SHOX2: variants seen among roughly 807,000 people sequenced by gnomAD.
SHOX2 encodes the protein short stature homeobox protein 2.
A neutral mutation model predicts 31.3 loss-of-function variants in SHOX2; 13 were observed. The observed-to-expected ratio is 0.42, with a 90% CI of 0.27 to 0.66. The LOEUF (loss-of-function observed/expected upper bound fraction) is 0.66, where lower values mean the gene tolerates loss of function less well. Among genes scored for constraint, SHOX2 ranks in the 30% least tolerant of loss-of-function variants. The pLI, the probability that SHOX2 is intolerant of heterozygous loss-of-function variation, is 0.27. For missense variants in SHOX2, 473 were observed against 443.0 expected (o/e 1.07, Z -0.61); for synonymous variants, 244 against 196.2 (o/e 1.24, Z -2.04).
rs1036850162 is a variant in SHOX2, at chr3:158,105,953, C to T, written c.72G>A (p.Thr24=). The change falls in exon 1 of 5, where the codon ACG becomes ACA. Residue 24 remains threonine, a synonymous_variant. Transcript: ENST00000483851. ...QKVKEKKEAI[T]YREVLESGPL... ...GCCCGCTCTCCAGCACCTCCCGGTA[C>T]GTGATCGCCTCCTTCTTCTCCTTCA... is the stretch of plus-strand genomic sequence containing the variant. 6.2e-7 allele frequency: 1 copy of T among 1,612,488 alleles called. No homozygotes were observed. The highest frequency in any genetic ancestry group is 8.5e-7 in the Non-Finnish European group (1 of 1,179,652).
rs869110597 is a variant in SHOX2 at position 158,096,437 on chromosome 3, CAA to C, written c.*1588_*1589del. The stretch of plus-strand genomic sequence containing the variant: ...AAAAAAAAAACAAAAAAGAAACAAA[CAA>C]ACAAAAAAAAAAGGTTACTTGAATA... On this transcript the variant is annotated 3_prime_UTR_variant, in exon 5 of 5. Coordinates refer to ENST00000483851, the MANE Select transcript of SHOX2 (RefSeq NM_001163678.2). 8.5e-6 allele frequency: 1 copy of C among 117,554 alleles called. No homozygotes were observed. Among genetic ancestry groups the C allele is most frequent in the Admixed American group, 8.2e-5 (1 of 12,260 alleles). The allele number at this position is 117,554 out of a possible 1,614,324, so 7.3% of individuals were successfully genotyped here.
In SHOX2 at chr3:158,097,417, A is replaced by G. The variant is rs1377973572; in HGVS notation, c.*610T>C. The G allele has an allele frequency of 1.3e-5, 2 of 152,146 alleles. No individual in the cohort carries two copies. The highest frequency in any genetic ancestry group is 2.4e-5 in the African/African-American group (1 of 41,412). The allele number at this position is 152,146 out of a possible 1,614,324, so 9.4% of individuals were successfully genotyped here. ...CCTCTTCTTTCTGCTTTGCCTTCTT[A>G]GCGCATTTTTAAAAACACACATTTA... On this transcript the variant is annotated 3_prime_UTR_variant, in exon 5 of 5. Coordinates refer to ENST00000483851, the MANE Select transcript of SHOX2 (RefSeq NM_001163678.2).
In SHOX2 at chr3:158,098,162, G is replaced by A. The variant is rs141779399; in HGVS notation, c.825C>T (p.Ala275=). 8 of 1,613,384 alleles carry A rather than the reference G, an allele frequency of 5.0e-6. No individual in the cohort carries two copies. The African/African-American group carries it at 8.0e-5, about 16-fold the overall frequency. Residue 275 remains alanine, a synonymous_variant, in exon 5 of 5, where the codon GCC becomes GCT. Transcript: ENST00000483851. The part of the protein sequence containing the change: ...FPAPPFGLPL[A]TLAADSASAA... ...CGGAAGCCGAATCCGCGGCCAGCGT[G>A]GCGAGCGGCAGTCCGAAGGGCGGTG...
chr3:158,106,097 T>C lies in SHOX2; in HGVS notation c.-73A>G. On this transcript the variant is annotated 5_prime_UTR_variant, in exon 1 of 5. Coordinates refer to ENST00000483851, the MANE Select transcript of SHOX2 (RefSeq NM_001163678.2). Reference sequence around the variant, plus strand: ...GCTCTTTTTTTCCTTCTTCTTTTTTTACTGCTCCAGCCCCCCCAATAATAA... The same window carrying C: ...GCTCTTTTTTTCCTTCTTCTTTTTTCACTGCTCCAGCCCCCCCAATAATAA... 1.9e-6 allele frequency: 3 copies of C among 1,592,994 alleles called. No individual in the cohort carries two copies. Among genetic ancestry groups the C allele is most frequent in the Non-Finnish European group, 2.6e-6 (3 of 1,169,614 alleles).
At chr3:158,098,386 G>A (rs1713273595) in intron 4 of SHOX2, 102 bp from the exon 5 acceptor site, 2 of 1,453,976 alleles carry the variant, frequency 1.4e-6, no homozygotes, top group Non-Finnish European at 1.9e-6. Flanking sequence ...AGAGAGTTGG[G>A]TTGTGTTTGG....
chr3:158,105,864 G>C lies in SHOX2; in HGVS notation c.161C>G (p.Pro54Arg). The C allele has an allele frequency of 2.0e-6, 3 of 1,493,072 alleles. No individual in the cohort carries two copies. Among genetic ancestry groups the C allele is most frequent in the Non-Finnish European group, 2.7e-6 (3 of 1,126,014 alleles). 92.5% of individuals were successfully genotyped at this position (1,493,072 alleles called of 1,614,324 possible). Residue 54 changes from proline to arginine, a missense_variant, in exon 1 of 5, where the codon CCG becomes CGG. Transcript: ENST00000483851. The stretch of plus-strand genomic sequence containing the variant: ...GCCTCCGCCGGCCGCCCGGACTGCC[G>C]GGCTGCTGCGGTCGTCGCGGCCCGC... ...TEAGRDDRSS[P>R]AVRAAGGGGG...
chr3:158,101,202 T>G (rs1281915491), intron 2 of SHOX2, among the ~76,000 whole-genome samples: 1 of 152,236 alleles, frequency 6.6e-6, no homozygotes, highest in Non-Finnish European at 1.5e-5. Context: ...AAATTAAAGT[T>G]TTTAAAACCC....
intron 2 of SHOX2, among the ~76,000 whole-genome samples, chr3:158,102,112 G>A (rs1355766912): frequency 6.6e-6 from 1 of 152,120 alleles, no homozygotes; most frequent in African/African-American, 2.4e-5. Context: ...TTATTTCTCC[G>A]CTATTTCACA....
intron 3 of SHOX2, 27 bp downstream of exon 3, chr3:158,100,227 C>G: frequency 6.5e-7 from 1 of 1,531,790 alleles, no homozygotes; most frequent in Non-Finnish European, 8.9e-7. Flanking sequence ...CTCAGACTAT[C>G]AAATGTTCCT....
chr3:158,105,852 GC>G lies in SHOX2; in HGVS notation c.172del (p.Ala58ArgfsTer21). 7.0e-7 allele frequency: 1 copy of G among 1,437,840 alleles called. No homozygotes were observed. The highest frequency in any genetic ancestry group is 9.1e-7 in the Non-Finnish European group (1 of 1,100,830). The allele number at this position is 1,437,840 out of a possible 1,614,324, so 89.1% of individuals were successfully genotyped here. A position where few individuals can be genotyped will look rare whatever the true frequency, so the allele number is the denominator to read the frequency against. On this transcript the variant is annotated frameshift_variant, in exon 1 of 5. Transcript: ENST00000483851. LOFTEE classifies it high-confidence loss of function. Reference protein sequence around the residue: ...RDDRSSPAVRAAGGGGGGGGG... With the variant: ...RDDRSSPAVRXAGGGGGGGGG... ...TCCTCCGCCGCCGCCTCCGCCGGCC[GC>G]CCGGACTGCCGGGCTGCTGCGGTCG...
At position 158,097,620 on chromosome 3, in the gene SHOX2, T is replaced by G; in HGVS notation, c.*407A>C. On this transcript the variant is annotated 3_prime_UTR_variant, in exon 5 of 5. Transcript: ENST00000483851. The stretch of plus-strand genomic sequence containing the variant: ...TCCTCTTTTTCTCTCCCGTTTGTCT[T>G]TCGATTTTTTTGTTTGCTCATTTTT... The G allele has an allele frequency of 1.2e-5, 2 of 165,122 alleles. No homozygotes were observed. The highest frequency in any genetic ancestry group is 2.7e-3 in the Middle Eastern group (1 of 370). The allele number at this position is 165,122 out of a possible 1,614,324, so 10.2% of individuals were successfully genotyped here. A position where few individuals can be genotyped will look rare whatever the true frequency, so the allele number is the denominator to read the frequency against.
chr3:158,105,029 G>GC (rs1330607000), intron 1 of SHOX2: 47 of 227,622 alleles, frequency 2.1e-4, no homozygotes, highest in South Asian at 3.8e-4. Context: ...CACCTCCCCC[G>GC]CCGCCCCCCC....
rs370120267 is a variant in SHOX2 at position 158,106,285 on chromosome 3, G to GGGA, written c.-264_-262dup. On this transcript the variant is annotated 5_prime_UTR_variant, in exon 1 of 5. Transcript: ENST00000483851. The stretch of plus-strand genomic sequence containing the variant: ...GAGGGGGAGAAGGGTGAAGAGGAGA[G>GGGA]GGAGGAGGAGGAGGAGAAGAGAAGG... 1,875 of 501,936 alleles carry GGGA rather than the reference G, an allele frequency of 3.7e-3. 31 individuals are homozygous for GGGA. Among genetic ancestry groups the GGGA allele is most frequent in the African/African-American group, 0.036 (1,743 of 48,384 alleles). The allele number at this position is 501,936 out of a possible 1,614,324, so 31.1% of individuals were successfully genotyped here.
chr3:158,105,198 G>C (rs1276488186), intron 1 of SHOX2: 3 of 983,278 alleles, frequency 3.1e-6, no homozygotes, highest in Non-Finnish European at 4.8e-6. Context: ...AGTTCGAGGG[G>C]TCTTGGCGGC....
chr3:158,106,053 C>T lies in SHOX2; in HGVS notation c.-29G>A, dbSNP rs767750434. 4.3e-5 allele frequency: 69 copies of T among 1,610,734 alleles called. No homozygotes were observed. Among genetic ancestry groups the T allele is most frequent in the Non-Finnish European group, 5.6e-5 (66 of 1,178,440 alleles). ...CGCCGCACGTCAGCCCGGCGCTCAA[C>T]CTCTGCCAGCAGAGCCCCGCTCTTT... On this transcript the variant is annotated 5_prime_UTR_variant, in exon 1 of 5. Transcript: ENST00000483851.
intron 2 of SHOX2, among the ~76,000 whole-genome samples, chr3:158,102,061 G>A (rs1190019825): frequency 6.6e-6 from 1 of 152,168 alleles, no homozygotes; most frequent in Non-Finnish European, 1.5e-5. Context: ...CAGTTTCGTT[G>A]CCTTGGTTAA....
At chr3:158,102,481 G>GA (rs5853813) in intron 2 of SHOX2, among the ~76,000 whole-genome samples, 197 bp downstream of exon 2, 43,447 of 144,310 alleles carry the variant, frequency 0.3, 6,855 homozygotes, top group East Asian at 0.57. Context: ...TGTTAGGATG[G>GA]AAAAAAAAAA....
intron 1 of SHOX2, chr3:158,105,193 G>C: frequency 1.9e-6 from 2 of 1,039,108 alleles, no homozygotes; most frequent in Non-Finnish European, 2.9e-6. Context: ...TGCGGAGTTC[G>C]AGGGGTCTTG....
At chr3:158,102,058 G>A (rs1005650216) in intron 2 of SHOX2, among the ~76,000 whole-genome samples, 6 of 152,116 alleles carry the variant, frequency 3.9e-5, no homozygotes, top group Non-Finnish European at 5.9e-5. Flanking sequence ...GGTCAGTTTC[G>A]TTGCCTTGGT....
Sources: gnomAD v4.1 joint callset for allele counts (sites outside exome capture counted in the v4.1 genomes callset) on GRCh38, gnomAD v4.1.1 for gene constraint, MANE v1.5 for transcripts, NCBI Gene and HGNC (gene_info 2026-07-23, HGNC 2026-07-21) for gene names.